TDRD3: variants seen among roughly 807,000 people sequenced by gnomAD.
TDRD3 encodes the protein tudor domain-containing protein 3.
TDRD3 carries 45 observed loss-of-function variants against 86.7 expected under a neutral mutation model. The ratio of observed to expected loss-of-function variants is 0.52; its 90% CI spans 0.41 to 0.67. The LOEUF (loss-of-function observed/expected upper bound fraction) is 0.67, where lower values mean the gene tolerates loss of function less well. Ranked by LOEUF, TDRD3 falls within the 30% of genes least tolerant of loss-of-function variation. TDRD3 has a pLI of 0.00. For synonymous variants in TDRD3, 298 were observed against 301.7 expected (o/e 0.99, Z 0.13); for missense variants, 814 against 889.0 (o/e 0.92, Z 1.07).
chr13:60,548,748 C>T (rs776171678), intron 12 of TDRD3, among the ~76,000 whole-genome samples: 30 of 151,624 alleles, frequency 2.0e-4, no homozygotes, highest in Admixed American at 6.6e-4. Context: ...ATAATACTTA[C>T]GCTGGCAAGG....
chr13:60,523,757 A>G (rs925628939), intron 10 of TDRD3, among the ~76,000 whole-genome samples: 3 of 151,660 alleles, frequency 2.0e-5, no homozygotes, highest in Admixed American at 6.6e-5. Context: ...TTGTATTTTT[A>G]GTAGAGATGG....
At position 60,572,713 on chromosome 13, in the gene TDRD3, C is replaced by A. The variant is rs375258311; in HGVS notation, c.*10-903C>A. 1.7e-4 allele frequency among the ~76,000 whole-genome samples: 26 copies of A among 152,328 alleles called. No individual in the cohort carries two copies. The South Asian group carries it at 5.4e-3, about 32-fold the overall frequency. On this transcript the variant is annotated intron_variant, in intron 13 of 13. Transcript: ENST00000377881. ...CACGTGTTAGTCAGAAACCTTAAAA[C>A]CAATAGCTAAGCATAGACTACTACA...
At chr13:60,513,303 C>T (rs972752011) in intron 10 of TDRD3, among the ~76,000 whole-genome samples, 31 of 152,282 alleles carry the variant, frequency 2.0e-4, no homozygotes, top group African/African-American at 7.2e-4. Flanking sequence ...CCATTTTTTC[C>T]TCCTAGGCCT....
intron 12 of TDRD3, chr13:60,547,316 T>A: frequency 1.0e-6 from 1 of 985,356 alleles, no homozygotes; most frequent in Non-Finnish European, 1.2e-6. Context: ...GAGGTGAATA[T>A]CTGCTCTGCT....
rs144311670 is a variant in TDRD3 at position 60,545,796 on chromosome 13, A to C, written c.2118+10563A>C. 5.2e-3 allele frequency among the ~76,000 whole-genome samples: 792 copies of C among 152,238 alleles called. 2 individuals are homozygous for C. Among genetic ancestry groups the C allele is most frequent in the Non-Finnish European group, 8.8e-3 (600 of 67,950 alleles). On this transcript the variant is annotated intron_variant, in intron 12 of 13. Coordinates refer to ENST00000377881, the MANE Select transcript of TDRD3 (RefSeq NM_001146070.2). ...ATTAAAGCAAATGGAAAAAGGAGAC[A>C]TATCAAGGGGTTGAGAGTATTGGTA...
intron 7 of TDRD3, among the ~76,000 whole-genome samples, chr13:60,488,902 TA>T (rs1367915019): frequency 1.3e-5 from 2 of 152,132 alleles, no homozygotes; most frequent in Non-Finnish European, 2.9e-5. Flanking sequence ...TTGTTTTGTT[TA>T]GTTTTGTTTT....
chr13:60,505,752 C>T (rs570586599), intron 8 of TDRD3, among the ~76,000 whole-genome samples: 31 of 151,788 alleles, frequency 2.0e-4, no homozygotes, highest in Admixed American at 9.8e-4. Context: ...TATCAATAGC[C>T]GAATTGATAA....
At chr13:60,564,317 CAAATACATTTAAG>C in intron 12 of TDRD3, among the ~76,000 whole-genome samples, 1 of 152,198 alleles carries the variant, frequency 6.6e-6, no homozygotes, top group African/African-American at 2.4e-5. Context: ...AGACTTCAAT[CAAATACATTTAAG>C]AAATACATTG....
intron 10 of TDRD3, among the ~76,000 whole-genome samples, chr13:60,512,951 T>G (rs565276324): frequency 1.3e-5 from 2 of 152,304 alleles, no homozygotes; most frequent in Non-Finnish European, 2.9e-5. Flanking sequence ...AGTGGTGAAC[T>G]CTGTGTGGGG....
At position 60,480,551 on chromosome 13, in the gene TDRD3, A is replaced by T. The variant is rs74078473; in HGVS notation, c.496-3224A>T. 3.9e-3 allele frequency among the ~76,000 whole-genome samples: 596 copies of T among 152,296 alleles called. 8 individuals are homozygous for T. The highest frequency in any genetic ancestry group is 0.013 in the African/African-American group (525 of 41,562). Reference sequence around the variant, plus strand: ...GTTGACCTGTCTAGTGAGATTTGGAAAAGTTCTGTGGATTCTGTCTTCAAA... The same window carrying T: ...GTTGACCTGTCTAGTGAGATTTGGATAAGTTCTGTGGATTCTGTCTTCAAA... On this transcript the variant is annotated intron_variant, in intron 5 of 13. Coordinates refer to ENST00000377881, the MANE Select transcript of TDRD3 (RefSeq NM_001146070.2).
At chr13:60,414,047 T>C (rs1292265473) in intron 1 of TDRD3, among the ~76,000 whole-genome samples, 1 of 152,164 alleles carries the variant, frequency 6.6e-6, no homozygotes, top group African/African-American at 2.4e-5. Context: ...GCATTGTTAT[T>C]AAGTATTTGC....
intron 3 of TDRD3, among the ~76,000 whole-genome samples, chr13:60,445,777 A>G (rs373020366): frequency 1.3e-5 from 2 of 152,186 alleles, no homozygotes; most frequent in African/African-American, 4.8e-5. Context: ...AAATAATATC[A>G]AAGCAGTGTC....
At chr13:60,428,482 C>T (rs906732704) in intron 1 of TDRD3, among the ~76,000 whole-genome samples, 7 of 151,706 alleles carry the variant, frequency 4.6e-5, no homozygotes, top group African/African-American at 1.5e-4. Flanking sequence ...GAAGAAAGGC[C>T]GATTAATAGC....
chr13:60,445,632 G>T (rs1361148865), intron 3 of TDRD3, among the ~76,000 whole-genome samples: 2 of 152,092 alleles, frequency 1.3e-5, no homozygotes. Context: ...GATTCAGTAG[G>T]ACTAGGATGG....
chr13:60,475,594 A>T (rs1330915683), intron 5 of TDRD3, among the ~76,000 whole-genome samples: 2 of 151,630 alleles, frequency 1.3e-5, no homozygotes, highest in Admixed American at 1.3e-4. Flanking sequence ...TAGTAGTTGA[A>T]CTCTTAGTTC....
At chr13:60,474,355 C>T (rs1005736044) in intron 5 of TDRD3, among the ~76,000 whole-genome samples, 10 of 152,166 alleles carry the variant, frequency 6.6e-5, no homozygotes, top group Admixed American at 2.0e-4. Flanking sequence ...CCGGTCTCCG[C>T]GCCTTGGTGG....
In TDRD3 at chr13:60,467,335, G is replaced by A; in HGVS notation, c.451G>A (p.Gly151Ser). 1 of 1,613,850 alleles carries A rather than the reference G, an allele frequency of 6.2e-7. No individual in the cohort carries two copies. Residue 151 changes from glycine to serine, a missense_variant, in exon 5 of 14, where the codon GGT (glycine) becomes AGT (serine). Transcript: ENST00000377881. ...GAATGACTCTAACACCACAGTTCTTGGTGGTGAAGTGGAACACCTTATTGA... is the reference window on the plus strand; with the variant it reads ...GAATGACTCTAACACCACAGTTCTTAGTGGTGAAGTGGAACACCTTATTGA... The part of the protein sequence containing the change: ...LLNDSNTTVL[G>S]GEVEHLIEKW...
rs1040655378 is a variant in TDRD3, at chr13:60,469,028, A to G, written c.495+1649A>G. 5.0e-4 allele frequency among the ~76,000 whole-genome samples: 76 copies of G among 152,162 alleles called. 1 individual carries two copies. Among genetic ancestry groups the G allele is most frequent in the Non-Finnish European group, 1.6e-4 (11 of 68,014 alleles). On this transcript the variant is annotated intron_variant, in intron 5 of 13. Coordinates refer to ENST00000377881, the MANE Select transcript of TDRD3 (RefSeq NM_001146070.2). ...GTGCCTGTGTTTGGGAGGTAAATAG[A>G]TAAGGACCTTAGGCACATTTTTATT... is the stretch of plus-strand genomic sequence containing the variant.
At chr13:60,448,205 A>C (rs1364193810) in intron 3 of TDRD3, among the ~76,000 whole-genome samples, 1 of 152,130 alleles carries the variant, frequency 6.6e-6, no homozygotes. Flanking sequence ...ATCTGTCATC[A>C]GGTAAGAAAG....
Sources: allele counts gnomAD v4.1 joint callset (sites outside exome capture counted in the v4.1 genomes callset), GRCh38; gene constraint gnomAD v4.1.1; transcripts MANE v1.5; gene names NCBI Gene and HGNC (gene_info 2026-07-23, HGNC 2026-07-21).